EIF4ENIF1: variants seen among roughly 807,000 people sequenced by gnomAD.
EIF4ENIF1 encodes the protein eukaryotic translation initiation factor 4E nuclear import factor 1.
EIF4ENIF1 carries 23 observed loss-of-function variants against 110.5 expected under a neutral mutation model. That is an observed-to-expected ratio of 0.21 (90% CI 0.15 to 0.29). The LOEUF (loss-of-function observed/expected upper bound fraction) is 0.29, where lower values mean the gene tolerates loss of function less well. Among genes scored for constraint, EIF4ENIF1 ranks in the 10% least tolerant of loss-of-function variants. The probability of loss-of-function intolerance (pLI) is 1.00; values close to 1 mark genes in which losing one functional copy is unlikely to be tolerated. For missense variants in EIF4ENIF1, 1,031 were observed against 1,221.1 expected, an observed-to-expected ratio of 0.84 and a Z score of 2.32; for synonymous variants, 440 against 437.0, an observed-to-expected ratio of 1.01 and a Z score of -0.09.
downstream of EIF4ENIF1, among the ~76,000 whole-genome samples, chr22:31,438,527 T>C (rs1399702588): frequency 6.6e-6 from 1 of 152,164 alleles, no homozygotes; most frequent in Non-Finnish European, 1.5e-5. Context: ...AACTACCATA[T>C]GTAATAGATG....
rs779482425 is a variant in EIF4ENIF1 at position 31,455,909 on chromosome 22, C to T, written c.1042G>A (p.Gly348Arg). 2 of 1,614,188 alleles carry T rather than the reference C, an allele frequency of 1.2e-6. No homozygotes were observed. Among genetic ancestry groups the T allele is most frequent in the Non-Finnish European group, 1.7e-6 (2 of 1,180,030 alleles). Residue 348 changes from glycine to arginine, a missense_variant, in exon 8 of 19, where the codon GGA becomes AGA. Physicochemically the swap from Gly to Arg is moderately radical, Grantham distance 125. Coordinates refer to ENST00000330125, the MANE Select transcript of EIF4ENIF1 (RefSeq NM_019843.4). ...SRWFSNPSRS[G>R]SRSSSLGSTP... Reference sequence around the variant, plus strand: ...GACCCAAGACTGCTGGATCGGCTTCCTGATCTGCTCGGGTTAGAGAACCAC... The same window carrying T: ...GACCCAAGACTGCTGGATCGGCTTCTTGATCTGCTCGGGTTAGAGAACCAC...
chr22:31,450,394 T>C, intron 10 of EIF4ENIF1, 34 bp from the exon 11 acceptor site: 2 of 1,561,784 alleles, frequency 1.3e-6, no homozygotes, highest in Admixed American at 1.7e-5. Flanking sequence ...GTTTTAACTT[T>C]CTTAACTCAC....
chr22:31,485,378 A>G (rs1314688742), intron 2 of EIF4ENIF1, among the ~76,000 whole-genome samples: 1 of 152,242 alleles, frequency 6.6e-6, no homozygotes, highest in Non-Finnish European at 1.5e-5. Context: ...CTACCCTAAG[A>G]AAGAGAAATA....
chr22:31,445,598 C>G (rs1418047987), intron 14 of EIF4ENIF1, among the ~76,000 whole-genome samples: 2 of 152,114 alleles, frequency 1.3e-5, no homozygotes, highest in East Asian at 3.9e-4. Context: ...ATTTGAGCAC[C>G]TGCTACAGAC....
chr22:31,475,510 A>G (rs964027841), intron 2 of EIF4ENIF1, among the ~76,000 whole-genome samples: 1 of 151,956 alleles, frequency 6.6e-6, no homozygotes, highest in Non-Finnish European at 1.5e-5. Flanking sequence ...CCAGCACTAT[A>G]GGAGGCTGAG....
At chr22:31,477,357 C>CAAAAAA (rs749894840) in intron 2 of EIF4ENIF1, among the ~76,000 whole-genome samples, 2 of 46,830 alleles carry the variant, frequency 4.3e-5, no homozygotes, top group South Asian at 1.3e-3. Flanking sequence ...CCTCTGTCTC[C>CAAAAAA]AAAAAAAAAA....
Position 31,455,925 on chromosome 22 carries a change from A to G in EIF4ENIF1, c.1026T>C (p.Ser342=). Residue 342 remains serine, a synonymous_variant, in exon 8 of 19, where the codon TCT becomes TCC. Coordinates refer to ENST00000330125, the MANE Select transcript of EIF4ENIF1 (RefSeq NM_019843.4). ...ATCGGCTTCCTGATCTGCTCGGGTT[A>G]GAGAACCACCTACTGAACCGACTGG... The part of the protein sequence containing the change: ...VSASRFSRWF[S]NPSRSGSRSS... 6.2e-7 allele frequency: 1 copy of G among 1,613,826 alleles called. No individual in the cohort carries two copies. The highest frequency in any genetic ancestry group is 8.5e-7 in the Non-Finnish European group (1 of 1,179,674).
chr22:31,441,651 TG>T, intron 17 of EIF4ENIF1, 122 bp downstream of exon 17: 1 of 850,344 alleles, frequency 1.2e-6, no homozygotes, highest in Non-Finnish European at 1.8e-6. Flanking sequence ...GCCAGTTAGA[TG>T]GGAGAATCTA....
rs1391796299 is a variant in EIF4ENIF1 at position 31,439,946 on chromosome 22, T to C, written c.2892A>G (p.Leu964=). ...GLAKWFGSDV[L]QQPLPSMPAK... Reference sequence around the variant, plus strand: ...CGGGCATGGAGGGCAGGGGTTGCTGTAGCACATCTGAGCCAAACCATTTGG... The same window carrying C: ...CGGGCATGGAGGGCAGGGGTTGCTGCAGCACATCTGAGCCAAACCATTTGG... Residue 964 remains leucine (L), a synonymous_variant, in exon 19 of 19, where the codon CTA becomes CTG. Transcript: ENST00000330125. 1.2e-6 allele frequency: 2 copies of C among 1,614,054 alleles called. No homozygotes were observed. The highest frequency in any genetic ancestry group is 2.7e-5 in the African/African-American group (2 of 74,928).
At chr22:31,473,080 T>TTCTC in intron 2 of EIF4ENIF1, among the ~76,000 whole-genome samples, 1 of 150,108 alleles carries the variant, frequency 6.7e-6, no homozygotes, top group African/African-American at 2.5e-5. Flanking sequence ...TTTTTTTTTT[T>TTCTC]GACTAGAGAG....
intron 9 of EIF4ENIF1, 118 bp downstream of exon 9, chr22:31,455,018 A>C: frequency 1.2e-6 from 1 of 858,476 alleles, no homozygotes; most frequent in Non-Finnish European, 1.7e-6. Flanking sequence ...AACATTAAAC[A>C]AAAACCCAAT....
chr22:31,492,051 C>G (rs1353735892), upstream of EIF4ENIF1, among the ~76,000 whole-genome samples: 1 of 152,160 alleles, frequency 6.6e-6, no homozygotes, highest in Non-Finnish European at 1.5e-5. Flanking sequence ...TAAAAGCGTA[C>G]ATGTCTGGTG....
chr22:31,490,715 G>A (rs941664778), upstream of EIF4ENIF1, among the ~76,000 whole-genome samples: 11 of 152,130 alleles, frequency 7.2e-5, no homozygotes, highest in African/African-American at 2.4e-4. Context: ...AGCAGTGTGG[G>A]TAACTGCATC....
At position 31,449,680 on chromosome 22, in the gene EIF4ENIF1, C is replaced by T; in HGVS notation, c.1585-149G>A. On this transcript the variant is annotated intron_variant, in intron 11 of 18. Transcript: ENST00000330125. ...GCATGTGTACATGCAACACATTTAT[C>T]TGAATGTTCAGCTAGCAACATATGC... 3 of 631,806 alleles carry T rather than the reference C, an allele frequency of 4.7e-6. No homozygotes were observed. The South Asian group carries it at 6.5e-5, about 14-fold the overall frequency. The allele number at this position is 631,806 out of a possible 1,614,324, so 39.1% of individuals were successfully genotyped here.
intron 7 of EIF4ENIF1, among the ~76,000 whole-genome samples, chr22:31,456,281 T>C (rs901280799): frequency 2.0e-5 from 3 of 149,906 alleles, no homozygotes; most frequent in African/African-American, 4.9e-5. Context: ...TGGAGTGCAG[T>C]GGCACGATCT....
chr22:31,454,451 A>C, intron 9 of EIF4ENIF1, 75 bp from the exon 10 acceptor site: 1 of 1,219,766 alleles, frequency 8.2e-7, no homozygotes, highest in Non-Finnish European at 1.2e-6. Flanking sequence ...CTAGTATGAC[A>C]GATAAGATGA....
Position 31,468,319 on chromosome 22 carries a change from A to C in EIF4ENIF1, c.171-17T>G. On this transcript the variant is annotated splice_polypyrimidine_tract_variant and intron_variant, in intron 3 of 18. Transcript: ENST00000330125. ...ACACCATCACTACAGGTCAAAAAAT[A>C]CAACTGTTAGCACTTACGCCCATGA... 1 of 1,614,166 alleles carries C rather than the reference A, an allele frequency of 6.2e-7. No homozygotes were observed. The highest frequency in any genetic ancestry group is 8.5e-7 in the Non-Finnish European group (1 of 1,179,998).
chr22:31,456,227 T>A (rs1459254071), intron 7 of EIF4ENIF1, among the ~76,000 whole-genome samples: 2 of 147,414 alleles, frequency 1.4e-5, no homozygotes, highest in African/African-American at 4.9e-5. Context: ...TTATTACTTT[T>A]TTTTTTTTTT....
intron 7 of EIF4ENIF1, among the ~76,000 whole-genome samples, chr22:31,456,528 T>C (rs1449353151): frequency 6.6e-6 from 1 of 151,670 alleles, no homozygotes; most frequent in Non-Finnish European, 1.5e-5. Flanking sequence ...CGGTCTACTA[T>C]TTTTTTAAGA....
Sources: allele counts gnomAD v4.1 joint callset (sites outside exome capture counted in the v4.1 genomes callset), GRCh38; gene constraint gnomAD v4.1.1; transcripts MANE v1.5; gene names NCBI Gene and HGNC (gene_info 2026-07-23, HGNC 2026-07-21).